The following NTM variants were observed in gnomAD, a reference collection of about 807,000 sequenced individuals.
The protein encoded by NTM is neurotrimin, also known as IgLON family member 2.
Under a neutral mutation model 42.1 loss-of-function variants are expected in NTM, and 13 were observed. The ratio of observed to expected loss-of-function variants is 0.31; its 90% CI spans 0.20 to 0.49. The LOEUF is 0.49. NTM is among the 20% of genes least tolerant of loss of function. The pLI, the probability that NTM is intolerant of heterozygous loss-of-function variation, is 0.99. For missense variants in NTM, 373 were observed against 452.8 expected, an observed-to-expected ratio of 0.82 and a Z score of 1.60; for synonymous variants, 187 against 179.2, an observed-to-expected ratio of 1.04 and a Z score of -0.35.
intron 2 of NTM, among the ~76,000 whole-genome samples, chr11:132,097,794 A>T (rs1055944331): frequency 6.6e-6 from 1 of 152,188 alleles, no homozygotes. Context: ...GGTCATTGTG[A>T]TGAGGACCTT....
chr11:131,937,299 T>A (rs2059327619), intron 2 of NTM, among the ~76,000 whole-genome samples: 1 of 152,222 alleles, frequency 6.6e-6, no homozygotes, highest in African/African-American at 2.4e-5. Flanking sequence ...AATTAGTAAT[T>A]TATTCTAGCT....
intron 2 of NTM, among the ~76,000 whole-genome samples, chr11:132,132,815 C>T (rs923306921): frequency 6.6e-5 from 10 of 152,300 alleles, no homozygotes; most frequent in Admixed American, 5.2e-4. Context: ...AATCAAGCTA[C>T]TAGGCATGGT....
chr11:132,116,009 C>T (rs2063837523), intron 2 of NTM, among the ~76,000 whole-genome samples: 1 of 152,216 alleles, frequency 6.6e-6, no homozygotes, highest in South Asian at 2.1e-4. Flanking sequence ...CTTCTAAACT[C>T]AGCTCAGGTG....
At chr11:131,806,181 GT>G (rs1479263938) in intron 1 of NTM, among the ~76,000 whole-genome samples, 2 of 152,150 alleles carry the variant, frequency 1.3e-5, no homozygotes, top group African/African-American at 4.8e-5. Context: ...CAGTAATTGA[GT>G]TTTTCTGTAA....
intron 1 of NTM, among the ~76,000 whole-genome samples, chr11:131,437,703 GAAT>G (rs1949266422): frequency 6.6e-6 from 1 of 152,198 alleles, no homozygotes; most frequent in Non-Finnish European, 1.5e-5. Flanking sequence ...TGGGTCTCCT[GAAT>G]AGAGCATACT....
intron 1 of NTM, among the ~76,000 whole-genome samples, chr11:131,792,943 C>G (rs548381241): frequency 6.6e-6 from 1 of 152,314 alleles, no homozygotes; most frequent in East Asian, 1.9e-4. Context: ...GTTATCTCTA[C>G]TGTAAAATGG....
chr11:131,389,487 T>C (rs1398177778), intron 1 of NTM, among the ~76,000 whole-genome samples: 1 of 152,232 alleles, frequency 6.6e-6, no homozygotes, highest in Non-Finnish European at 1.5e-5. Flanking sequence ...CTTCCCGCTG[T>C]GCTTCTCTAG....
At chr11:131,756,935 G>C (rs926454708) in intron 1 of NTM, among the ~76,000 whole-genome samples, 4 of 152,252 alleles carry the variant, frequency 2.6e-5, no homozygotes, top group Admixed American at 1.3e-4. Flanking sequence ...CAGGGACTAT[G>C]TTTAGAAACG....
intron 7 of NTM, among the ~76,000 whole-genome samples, chr11:132,318,400 A>G (rs986088517): frequency 1.3e-5 from 2 of 152,210 alleles, no homozygotes; most frequent in Admixed American, 6.5e-5. Context: ...ATCTCCAGGC[A>G]TAAACTGAAA....
intron 2 of NTM, among the ~76,000 whole-genome samples, chr11:131,970,819 G>A (rs529617007): frequency 1.1e-4 from 17 of 152,238 alleles, no homozygotes; most frequent in Non-Finnish European, 1.5e-4. Flanking sequence ...ATCCCCAAAA[G>A]TGTTATCTTA....
intron 2 of NTM, among the ~76,000 whole-genome samples, chr11:132,084,960 A>G (rs1380888904): frequency 6.6e-6 from 1 of 152,166 alleles, no homozygotes; most frequent in Non-Finnish European, 1.5e-5. Context: ...ATCTTTTATA[A>G]CCCTTTACAA....
intron 4 of NTM, among the ~76,000 whole-genome samples, chr11:132,269,313 G>T (rs1007224562): frequency 1.3e-5 from 2 of 152,128 alleles, no homozygotes; most frequent in African/African-American, 2.4e-5. Flanking sequence ...GTTACCAAAG[G>T]TAATTAAGTC....
chr11:131,456,987 C>T (rs56234203), intron 1 of NTM, among the ~76,000 whole-genome samples: 25,368 of 152,058 alleles, frequency 0.17, 3,049 homozygotes, highest in East Asian at 0.55. Context: ...ATATAAGATG[C>T]TTCAGTGTGC....
At chr11:131,383,561 G>A (rs1942953158) in intron 1 of NTM, among the ~76,000 whole-genome samples, 1 of 152,180 alleles carries the variant, frequency 6.6e-6, no homozygotes, top group Admixed American at 6.5e-5. Flanking sequence ...TAGGAGTTCA[G>A]AATTCTGAAA....
chr11:131,725,706 CT>C (rs1196976541), intron 1 of NTM, among the ~76,000 whole-genome samples: 1 of 152,188 alleles, frequency 6.6e-6, no homozygotes, highest in Non-Finnish European at 1.5e-5. Flanking sequence ...GCCTTGAAGG[CT>C]GTTACAAATA....
At chr11:132,156,191 C>T (rs1357981127) in intron 3 of NTM, among the ~76,000 whole-genome samples, 1 of 152,104 alleles carries the variant, frequency 6.6e-6, no homozygotes, top group East Asian at 1.9e-4. Context: ...GAGCCAATTC[C>T]TTATGAAGGA....
At chr11:131,901,830 G>A (rs2053204419) in intron 1 of NTM, among the ~76,000 whole-genome samples, 1 of 152,212 alleles carries the variant, frequency 6.6e-6, no homozygotes, top group South Asian at 2.1e-4. Flanking sequence ...AAAGCTACCT[G>A]AACAGCACAT....
intron 1 of NTM, among the ~76,000 whole-genome samples, chr11:131,400,467 G>A (rs753012134): frequency 6.6e-6 from 1 of 152,154 alleles, no homozygotes; most frequent in Non-Finnish European, 1.5e-5. Context: ...GAGAACTAGA[G>A]GGACCTTGGC....
chr11:131,559,396 T>C (rs1241679581), intron 1 of NTM, among the ~76,000 whole-genome samples: 1 of 152,260 alleles, frequency 6.6e-6, no homozygotes, highest in African/African-American at 2.4e-5. Flanking sequence ...AGCTGTCTTT[T>C]TACTTTTAAG....
Sources: allele counts gnomAD v4.1 joint callset (sites outside exome capture counted in the v4.1 genomes callset), GRCh38; gene constraint gnomAD v4.1.1; transcripts MANE v1.5; gene names NCBI Gene and HGNC (gene_info 2026-07-23, HGNC 2026-07-21).